GNB1: variants seen among roughly 807,000 people sequenced by gnomAD.
The protein encoded by GNB1 is G protein subunit beta 1, also known as guanine nucleotide-binding protein G(I)/G(S)/G(T) subunit beta-1.
GNB1 carries 2 observed loss-of-function variants against 42.9 expected under a neutral mutation model. The ratio of observed to expected loss-of-function variants is 0.05; its 90% CI spans 0.02 to 0.15. The LOEUF is 0.15. GNB1 is among the 10% of genes least tolerant of loss of function. The probability of loss-of-function intolerance (pLI) is 1.00; values close to 1 mark genes in which losing one functional copy is unlikely to be tolerated. For synonymous variants in GNB1, 183 were observed against 174.7 expected (o/e 1.05, Z -0.38); for missense variants, 193 against 462.2 (o/e 0.42, Z 5.34).
chr1:1,794,978 A>G (rs1481994480), intron 7 of GNB1, among the ~76,000 whole-genome samples: 1 of 152,232 alleles, frequency 6.6e-6, no homozygotes, highest in Admixed American at 6.5e-5. Flanking sequence ...GTGAGCCACC[A>G]TGCCTGGCCA....
intron 7 of GNB1, among the ~76,000 whole-genome samples, chr1:1,796,918 G>C (rs974912566): frequency 1.3e-5 from 2 of 152,156 alleles, no homozygotes; most frequent in Non-Finnish European, 2.9e-5. Context: ...GGCAGAGAGT[G>C]GAAGCGTAGG....
rs1031996996 is a variant in GNB1 at position 1,790,780 on chromosome 1, A to T, written c.498-184T>A. 9.2e-5 allele frequency among the ~76,000 whole-genome samples: 14 copies of T among 152,224 alleles called. No individual in the cohort carries two copies. Among genetic ancestry groups the T allele is most frequent in the African/African-American group, 3.4e-4 (14 of 41,464 alleles). ...TACAACTTTGGAAGGGAAACAAAGC[A>T]AAGCAAGCAAAATTATACAGAGATG... On this transcript the variant is annotated intron_variant, in intron 8 of 11. Transcript: ENST00000378609. This position sits in a 1 kb window ranked among gnomAD's most constrained non-coding sequence, Gnocchi z 5.4.
chr1:1,851,773 G>A (rs1207595626), intron 1 of GNB1, among the ~76,000 whole-genome samples: 1 of 152,170 alleles, frequency 6.6e-6, no homozygotes, highest in African/African-American at 2.4e-5. Flanking sequence ...GCCGGGCACA[G>A]CGGCTCACGC....
intron 3 of GNB1, among the ~76,000 whole-genome samples, chr1:1,821,170 G>C (rs1258836436): frequency 1.3e-5 from 2 of 152,190 alleles, no homozygotes; most frequent in Non-Finnish European, 2.9e-5. Flanking sequence ...GCTCAGCATG[G>C]AGTCGCTGGA....
At chr1:1,882,971 T>TC (rs1171112605) in intron 1 of GNB1, among the ~76,000 whole-genome samples, 3 of 150,746 alleles carry the variant, frequency 2.0e-5, no homozygotes, top group Non-Finnish European at 4.4e-5. Context: ...GAGGCATAGT[T>TC]CAAGATTATT....
rs183955901 is a variant in GNB1 at position 1,866,130 on chromosome 1, G to T, written c.-96+24690C>A. The stretch of plus-strand genomic sequence containing the variant: ...ATTTTTTCTATTTAGTAGACAGACA[G>T]GGTTTCACCATCTTGGTCAGGCTGG... On this transcript the variant is annotated intron_variant, in intron 1 of 11. Transcript: ENST00000378609. Among the ~76,000 whole-genome samples the T allele has an allele frequency of 5.3e-5, 8 of 152,262 alleles. No individual in the cohort carries two copies. The East Asian group carries it at 1.5e-3, about 29-fold the overall frequency.
chr1:1,862,870 T>C (rs1456268002), intron 1 of GNB1, among the ~76,000 whole-genome samples: 5 of 152,136 alleles, frequency 3.3e-5, no homozygotes, highest in Non-Finnish European at 5.9e-5. Context: ...TGGAGACTCT[T>C]AGAAAACACC....
chr1:1,794,234 C>G (rs985519180), intron 7 of GNB1: 4 of 152,188 alleles, frequency 2.6e-5, no homozygotes, highest in African/African-American at 9.7e-5. Context: ...TGACTGGTCT[C>G]TACTAAAAAT....
intron 1 of GNB1, among the ~76,000 whole-genome samples, chr1:1,881,036 A>G (rs1009906874): frequency 1.3e-5 from 2 of 152,190 alleles, no homozygotes; most frequent in African/African-American, 2.4e-5. Flanking sequence ...GCAAACACAC[A>G]GCCAGGAGTT....
At chr1:1,878,578 C>G (rs749859280) in intron 1 of GNB1, among the ~76,000 whole-genome samples, 1 of 152,180 alleles carries the variant, frequency 6.6e-6, no homozygotes, top group Non-Finnish European at 1.5e-5. Context: ...AGCCCTACAG[C>G]AGACTCGTCC....
intron 1 of GNB1, among the ~76,000 whole-genome samples, chr1:1,869,027 A>C (rs1346632582): frequency 6.6e-6 from 1 of 151,242 alleles, no homozygotes; most frequent in African/African-American, 2.4e-5. Context: ...TACTAAAAAA[A>C]TACAAAAAAA....
intron 3 of GNB1, among the ~76,000 whole-genome samples, chr1:1,823,065 A>G (rs900320427): frequency 3.1e-4 from 47 of 151,582 alleles, no homozygotes; most frequent in African/African-American, 1.0e-3. Context: ...ACACGGTGAA[A>G]CCCCATCTCT....
intron 5 of GNB1, among the ~76,000 whole-genome samples, chr1:1,810,971 C>A (rs148109781): frequency 1.2e-3 from 185 of 151,540 alleles, no homozygotes; most frequent in African/African-American, 4.2e-3. Context: ...CCTGGCCTCT[C>A]ATGTAGCTTT....
chr1:1,807,836 T>C (rs1450363011), intron 5 of GNB1, among the ~76,000 whole-genome samples: 1 of 151,418 alleles, frequency 6.6e-6, no homozygotes, highest in African/African-American at 2.4e-5. Context: ...GTCTCCCGAG[T>C]AGCTGGGACT....
chr1:1,873,483 T>C (rs1289097302), intron 1 of GNB1, among the ~76,000 whole-genome samples: 1 of 152,234 alleles, frequency 6.6e-6, no homozygotes, highest in Non-Finnish European at 1.5e-5. Flanking sequence ...TGAACAGAGA[T>C]GAGCCCTGCC....
chr1:1,855,895 G>A (rs1469502534), intron 1 of GNB1, among the ~76,000 whole-genome samples: 1 of 152,264 alleles, frequency 6.6e-6, no homozygotes, highest in Non-Finnish European at 1.5e-5. Context: ...TAAGAGTGAA[G>A]TTGACAGCAC....
At chr1:1,816,407 A>G (rs1646856675) in intron 4 of GNB1, among the ~76,000 whole-genome samples, 4 of 152,196 alleles carry the variant, frequency 2.6e-5, no homozygotes, top group Admixed American at 2.6e-4. Context: ...AAACGGAGTA[A>G]GTGGATTACA....
At chr1:1,879,080 A>G (rs1283165008) in intron 1 of GNB1, among the ~76,000 whole-genome samples, 1 of 152,164 alleles carries the variant, frequency 6.6e-6, no homozygotes, top group African/African-American at 2.4e-5. Flanking sequence ...CACCTCTGAC[A>G]AATCTCTGAG....
At chr1:1,811,085 T>A (rs4648722) in intron 5 of GNB1, among the ~76,000 whole-genome samples, 4,812 of 84,260 alleles carry the variant, frequency 0.057, 109 homozygotes, top group African/African-American at 0.077. Flanking sequence ...ATATATATTT[T>A]TTTTTTTTTT....
Sources: gnomAD v4.1 joint callset for allele counts (sites outside exome capture counted in the v4.1 genomes callset) on GRCh38, gnomAD v4.1.1 for gene constraint, Gnocchi (gnomAD v3.1) non-coding constraint, MANE v1.5 for transcripts, NCBI Gene and HGNC (gene_info 2026-07-23, HGNC 2026-07-21) for gene names.